CTU2: variants seen among roughly 807,000 people sequenced by gnomAD.
The protein encoded by CTU2 is cytoplasmic tRNA 2-thiolation protein 2.
In CTU2, 80 loss-of-function variants were observed where a neutral mutation model predicts 64.1. That is an observed-to-expected ratio of 1.25 (90% CI 1.04 to 1.50). The LOEUF (loss-of-function observed/expected upper bound fraction) is 1.50. CTU2 is among the 40% of genes most tolerant of loss of function. The probability of loss-of-function intolerance (pLI) is 0.00; values close to 1 mark genes in which losing one functional copy is unlikely to be tolerated. For missense variants in CTU2, 1,110 were observed against 690.2 expected (o/e 1.61, Z -6.81); for synonymous variants, 482 against 285.3 (o/e 1.69, Z -6.95).
At position 88,714,584 on chromosome 16, in the gene CTU2, C is replaced by T. The variant is rs761296108; in HGVS notation, c.1202-3C>T. On this transcript the variant is annotated splice_region_variant and splice_polypyrimidine_tract_variant and intron_variant, in intron 11 of 14. Coordinates refer to ENST00000453996, the MANE Select transcript of CTU2 (RefSeq NM_001012759.3). ...GGCTCCGTCACCCCCTCTCTGCTTG[C>T]AGACAGTGCCACGGCTTTTGGGGCT... is the stretch of plus-strand genomic sequence containing the variant. The T allele has an allele frequency of 3.7e-6, 6 of 1,612,656 alleles. No individual in the cohort carries two copies. Among genetic ancestry groups the T allele is most frequent in the Admixed American group, 1.7e-5 (1 of 60,016 alleles).
At chr16:88,714,518 G>A (rs1261613751) in intron 11 of CTU2, 32 bp downstream of exon 11, 1 of 1,612,464 alleles carries the variant, frequency 6.2e-7, no homozygotes, top group Middle Eastern at 1.7e-4. Context: ...GGTGATGCGG[G>A]GAGGGAGCCA....
rs903170883 is a variant in CTU2 at position 88,715,347 on chromosome 16, C to T, written c.*96C>T. 9 of 1,289,516 alleles carry T rather than the reference C, an allele frequency of 7.0e-6. No individual in the cohort carries two copies. In the Admixed American group the frequency reaches 1.0e-4, roughly 14 times the overall value. 79.9% of individuals were successfully genotyped at this position (1,289,516 alleles called of 1,614,324 possible). ...GGACGGGGGACTGGCCTCTGATTGT[C>T]CATTTGTATAAATAAAACATTTTTT... On this transcript the variant is annotated 3_prime_UTR_variant, in exon 15 of 15. Coordinates refer to ENST00000453996, the MANE Select transcript of CTU2 (RefSeq NM_001012759.3).
intron 1 of CTU2, 180 bp from the exon 2 acceptor site, chr16:88,706,956 C>T (rs1197401503): frequency 4.7e-6 from 3 of 642,366 alleles, no homozygotes; most frequent in Non-Finnish European, 8.2e-6. Context: ...AAACATCCCC[C>T]CAGAGCCTTT....
Position 88,713,700 on chromosome 16 carries a change from C to G in CTU2, c.927C>G (p.Asp309Glu). The G allele has an allele frequency of 6.2e-7, 1 of 1,612,640 alleles. No homozygotes were observed. Among genetic ancestry groups the G allele is most frequent in the Non-Finnish European group, 8.5e-7 (1 of 1,179,886 alleles). The change falls in exon 9 of 15, where the codon GAC (aspartate) becomes GAG (glutamate). Residue 309 changes from aspartate to glutamate, a missense_variant. Physicochemically the swap from Asp to Glu is conservative, Grantham distance 45. Transcript: ENST00000453996. ...TGGTGGTGGTGCGGCCCATGCGGGA[C>G]CACACCCTGAAGGAGGTCGCTTTCT... Reference protein sequence around the residue: ...GDVVVVRPMRDHTLKEVAFYN... With the variant: ...GDVVVVRPMREHTLKEVAFYN...
At chr16:88,709,015 C>G (rs1416054320) in intron 2 of CTU2, 3 of 152,210 alleles carry the variant, frequency 2.0e-5, no homozygotes, top group African/African-American at 7.2e-5. Flanking sequence ...TGGCTCATAC[C>G]TGGAATCTCA....
In CTU2 at chr16:88,713,357, G is replaced by A; in HGVS notation, c.783G>A (p.Lys261=). ...LHMARAHGYS[K]VMTGDSCTRL... ...TGGCCCGAGCCCACGGCTACTCCAA[G>A]GTCATGACTGGGGACAGCTGCACAC... Residue 261 remains lysine (K), a synonymous_variant, in exon 8 of 15, where the codon AAG becomes AAA. Transcript: ENST00000453996. 1 of 1,601,104 alleles carries A rather than the reference G, an allele frequency of 6.2e-7. No individual in the cohort carries two copies.
chr16:88,713,952 A>G (rs1378495147), intron 9 of CTU2, among the ~76,000 whole-genome samples, 174 bp downstream of exon 9: 3 of 152,076 alleles, frequency 2.0e-5, no homozygotes, highest in African/African-American at 7.2e-5. Flanking sequence ...TGTGGGGGTG[A>G]CAGGAGGACC....
rs1911602802 is a variant in CTU2, at chr16:88,713,847, C to T, written c.1005+69C>T. 6.9e-6 allele frequency: 11 copies of T among 1,588,810 alleles called. 1 individual carries two copies. Among genetic ancestry groups the T allele is most frequent in the South Asian group, 5.7e-5 (5 of 87,908 alleles). ...GGGTGGGCCATGTGGGCTGGGCAGC[C>T]TCTCACAGGCTCAGGTCACCAGCAC... On this transcript the variant is annotated intron_variant, in intron 9 of 14. Coordinates refer to ENST00000453996, the MANE Select transcript of CTU2 (RefSeq NM_001012759.3).
chr16:88,707,512 G>A (rs968328868), intron 2 of CTU2, among the ~76,000 whole-genome samples: 3 of 152,072 alleles, frequency 2.0e-5, no homozygotes, highest in Admixed American at 2.0e-4. Flanking sequence ...AGGACCAGGC[G>A]TTTGGGGGCA....
At position 88,709,986 on chromosome 16, in the gene CTU2, C is replaced by G. The variant is rs1341203651; in HGVS notation, c.192C>G (p.Gly64=). 1 of 1,613,918 alleles carries G rather than the reference C, an allele frequency of 6.2e-7. No homozygotes were observed. Among genetic ancestry groups the G allele is most frequent in the East Asian group, 2.2e-5 (1 of 44,888 alleles). The change falls in exon 3 of 15, where the codon GGC becomes GGG. Residue 64 remains glycine, a synonymous_variant. Coordinates refer to ENST00000453996, the MANE Select transcript of CTU2 (RefSeq NM_001012759.3). ...TCCACAAGTTCAGAGCCATGCTGGG[C>G]AAGAACCGGCTCATCTTTCCAGGCG... The part of the protein sequence containing the change: ...FYVHKFRAML[G]KNRLIFPGEK...
chr16:88,714,369 C>T lies in CTU2; in HGVS notation c.1098-14C>T, dbSNP rs764768032. On this transcript the variant is annotated splice_polypyrimidine_tract_variant and intron_variant, in intron 10 of 14. Transcript: ENST00000453996. ...CCGTGTGATTCACCTGCTCCTCCCA[C>T]AATCCGGCCACAGGACAAGTGAGAA... is the stretch of plus-strand genomic sequence containing the variant. 25 of 1,612,078 alleles carry T rather than the reference C, an allele frequency of 1.6e-5. No homozygotes were observed. Among genetic ancestry groups the T allele is most frequent in the Non-Finnish European group, 2.0e-5 (24 of 1,179,628 alleles).
rs762072193 is a variant in CTU2, at chr16:88,715,225, A to G, written c.1522A>G (p.Ser508Gly). ...GATCCGGGACTGTCTGATTGAGGACAGTGACGACGAGGCGGGCCAGAGCTG... is the reference window on the plus strand; with the variant it reads ...GATCCGGGACTGTCTGATTGAGGACGGTGACGACGAGGCGGGCCAGAGCTG... ...QEIRDCLIED[S>G]DDEAGQS The change falls in exon 15 of 15, where the codon AGT becomes GGT. Residue 508 changes from serine (S) to glycine (G), a missense_variant. By Grantham distance (56) the Ser-to-Gly change is moderately conservative. Transcript: ENST00000453996. The G allele has an allele frequency of 1.9e-6, 3 of 1,612,260 alleles. No homozygotes were observed. The highest frequency in any genetic ancestry group is 3.3e-5 in the Admixed American group (2 of 60,002).
rs766730727 is a variant in CTU2 at position 88,712,756 on chromosome 16, G to A, written c.588G>A (p.Pro196=). The A allele has an allele frequency of 2.9e-5, 46 of 1,608,402 alleles. No individual in the cohort carries two copies. Among genetic ancestry groups the A allele is most frequent in the Non-Finnish European group, 3.6e-5 (43 of 1,178,246 alleles). ...TGGGGGCCGGGGGTGGTCCTGGCCC[G>A]ACTCAAGGGGAGGAACAGCCACCCC... ...HVLGAGGGPG[P]TQGEEQPPQP... is the part of the protein sequence containing the mutation. Residue 196 remains proline (P), a synonymous_variant, in exon 7 of 15, where the codon CCG becomes CCA. Coordinates refer to ENST00000453996, the MANE Select transcript of CTU2 (RefSeq NM_001012759.3).
rs1209073358 is a variant in CTU2 at position 88,713,690 on chromosome 16, C to G, written c.917C>G (p.Pro306Arg). Residue 306 changes from proline (P) to arginine (R), a missense_variant, in exon 9 of 15, where the codon CCC becomes CGC. Pro to Arg is a moderately radical substitution (Grantham distance 103). Coordinates refer to ENST00000453996, the MANE Select transcript of CTU2 (RefSeq NM_001012759.3). ...ERHGDVVVVR[P>R]MRDHTLKEVA... ...CACGGGGACGTGGTGGTGGTGCGGC[C>G]CATGCGGGACCACACCCTGAAGGAG... is the stretch of plus-strand genomic sequence containing the variant. 6.2e-7 allele frequency: 1 copy of G among 1,612,650 alleles called. No individual in the cohort carries two copies.
rs201604515 is a variant in CTU2, at chr16:88,711,646, A to G, written c.294A>G (p.Gln98=). Residue 98 remains glutamine, a synonymous_variant, in exon 5 of 15, where the codon CAA becomes CAG. Coordinates refer to ENST00000453996, the MANE Select transcript of CTU2 (RefSeq NM_001012759.3). ...GCTTCTCCCTCTAGGGCCTGAGCCA[A>G]GATTCTGCCAAAAGACTGCGCTTTG... ...MVWQVLEGLS[Q]DSAKRLRFVA... 7.1e-5 allele frequency: 114 copies of G among 1,605,986 alleles called. No homozygotes were observed. The highest frequency in any genetic ancestry group is 9.1e-5 in the Non-Finnish European group (107 of 1,174,918).
chr16:88,707,171 A>C lies in CTU2; in HGVS notation c.104A>C (p.Gln35Pro), dbSNP rs1210911235. 8 of 1,613,978 alleles carry C rather than the reference A, an allele frequency of 5.0e-6. No homozygotes were observed. In the Middle Eastern group the frequency reaches 6.6e-4, roughly 133 times the overall value. ...AAGTGTGTGAAGTGCAAGGAAGCGC[A>C]GCCCGTTGTGGTGATACGAGCCGGA... Reference protein sequence around the residue: ...EQKCVKCKEAQPVVVIRAGDA... With the variant: ...EQKCVKCKEAPPVVVIRAGDA... The change falls in exon 2 of 15, where the codon CAG becomes CCG. Residue 35 changes from glutamine to proline, a missense_variant. Physicochemically the swap from Gln to Pro is moderately conservative, Grantham distance 76 (BLOSUM62 -1). Transcript: ENST00000453996.
rs371257223 is a variant in CTU2, at chr16:88,711,714, C to T, written c.343+19C>T. Reference sequence around the variant, plus strand: ...GTTGACGGTATGTGGGGCCATTGCTCCTCCTAGTCCCTGGCCACTTGGGGT... The same window carrying T: ...GTTGACGGTATGTGGGGCCATTGCTTCTCCTAGTCCCTGGCCACTTGGGGT... On this transcript the variant is annotated intron_variant, in intron 5 of 14. Transcript: ENST00000453996. The T allele has an allele frequency of 5.4e-5, 87 of 1,601,732 alleles. No individual in the cohort carries two copies. The highest frequency in any genetic ancestry group is 4.7e-4 in the African/African-American group (35 of 74,690).
intron 5 of CTU2, 54 bp downstream of exon 5, chr16:88,711,749 G>A (rs900409840): frequency 1.7e-5 from 26 of 1,534,050 alleles, no homozygotes; most frequent in Middle Eastern, 3.5e-4. Context: ...TAAGCCCTGC[G>A]GATCCTCCCT....
intron 5 of CTU2, 107 bp from the exon 6 acceptor site, chr16:88,712,167 C>T (rs1911377797): frequency 1.0e-6 from 1 of 955,460 alleles, no homozygotes; most frequent in East Asian, 2.6e-5. Context: ...GGAAGCACCG[C>T]CCTGCGGAGC....
Sources: allele counts gnomAD v4.1 joint callset (sites outside exome capture counted in the v4.1 genomes callset), GRCh38; gene constraint gnomAD v4.1.1; transcripts MANE v1.5; gene names NCBI Gene and HGNC (gene_info 2026-07-23, HGNC 2026-07-21).